Variants in KIF3C observed in about 807,000 individuals in gnomAD.
KIF3C encodes the protein kinesin-like protein KIF3C.
A neutral mutation model predicts 67.7 loss-of-function variants in KIF3C; 12 were observed. The ratio of observed to expected loss-of-function variants is 0.18; its 90% CI spans 0.11 to 0.29. KIF3C has a LOEUF of 0.29. KIF3C is among the 10% of genes least tolerant of loss of function. The pLI, the probability that KIF3C is intolerant of heterozygous loss-of-function variation, is 1.00. For synonymous variants in KIF3C, 393 were observed against 426.2 expected (o/e 0.92, Z 0.96); for missense variants, 789 against 1,059.6 (o/e 0.74, Z 3.55).
At chr2:25,973,008 A>C (rs926024727) in intron 1 of KIF3C, among the ~76,000 whole-genome samples, 5 of 152,190 alleles carry the variant, frequency 3.3e-5, no homozygotes, top group African/African-American at 1.2e-4. Flanking sequence ...GTTTGAATTC[A>C]TACTACATTA....
At position 25,928,901 on chromosome 2, in the gene KIF3C, A is replaced by G. The variant is rs2090433661; in HGVS notation, c.*77T>C. On this transcript the variant is annotated 3_prime_UTR_variant, in exon 8 of 8. Coordinates refer to ENST00000264712, the MANE Select transcript of KIF3C (RefSeq NM_002254.8). Reference sequence around the variant, plus strand: ...CATGCACGCACACGCACACGCACCAAGCGGCAGATGAGATGAGCCAGGGTT... The same window carrying G: ...CATGCACGCACACGCACACGCACCAGGCGGCAGATGAGATGAGCCAGGGTT... 2.4e-6 allele frequency: 3 copies of G among 1,238,124 alleles called. No individual in the cohort carries two copies. In the South Asian group the frequency reaches 3.9e-5, roughly 16 times the overall value. The allele number at this position is 1,238,124 out of a possible 1,614,324, so 76.7% of individuals were successfully genotyped here.
chr2:25,956,491 A>G (rs1574489050), intron 1 of KIF3C, 47 bp from the exon 2 acceptor site: 2 of 1,425,940 alleles, frequency 1.4e-6, no homozygotes, highest in Non-Finnish European at 2.0e-6. Context: ...AAGGGTCCAC[A>G]ACATTGCTAG....
chr2:25,951,848 C>T lies in KIF3C; in HGVS notation c.1947G>A (p.Arg649=), dbSNP rs1290436352. The T allele has an allele frequency of 5.0e-6, 8 of 1,613,974 alleles. No homozygotes were observed. The highest frequency in any genetic ancestry group is 6.8e-6 in the Non-Finnish European group (8 of 1,179,984). ...GCTCCTCCTCACAGTCCAGGAAAAG[C>T]CGGTTCATGATCTTGTTCTTCTCCT... The part of the protein sequence containing the change: ...PPEEKNKIMN[R]LFLDCEEEQW... Residue 649 remains arginine (R), a synonymous_variant, in exon 5 of 8, where the codon CGG becomes CGA. Transcript: ENST00000264712.
Position 25,980,683 on chromosome 2 carries a change from T to C in KIF3C, c.1235A>G (p.Lys412Arg), listed in dbSNP as rs1313838719. 6.2e-7 allele frequency: 1 copy of C among 1,614,136 alleles called. No homozygotes were observed. Among genetic ancestry groups the C allele is most frequent in the Non-Finnish European group, 8.5e-7 (1 of 1,180,018 alleles). The change falls in exon 1 of 8, where the codon AAG becomes AGG. Residue 412 changes from lysine to arginine, a missense_variant. Lys to Arg is a conservative substitution (Grantham distance 26, BLOSUM62 2). Transcript: ENST00000264712. This position sits in a 1 kb window ranked among gnomAD's most constrained non-coding sequence, Gnocchi z 7.6. Reference protein sequence around the residue: ...KRPRRKSSRRKKAVSAPPGYP... With the variant: ...KRPRRKSSRRRKAVSAPPGYP... Reference sequence around the variant, plus strand: ...CCCAGGCGGGGCGGACACGGCCTTCTTCCTGCGGCTGCTCTTCCTCCGGGG... The same window carrying C: ...CCCAGGCGGGGCGGACACGGCCTTCCTCCTGCGGCTGCTCTTCCTCCGGGG...
intron 5 of KIF3C, among the ~76,000 whole-genome samples, chr2:25,940,807 C>G (rs1473967466): frequency 6.6e-6 from 1 of 151,570 alleles, no homozygotes; most frequent in Non-Finnish European, 1.5e-5. Context: ...CGCCCACTAC[C>G]ACACGCGGCT....
At position 25,929,035 on chromosome 2, in the gene KIF3C, T is replaced by C. The variant is rs1025994857; in HGVS notation, c.2325A>G (p.Thr775=). ...QSPQRPPPST[T]HASLASASLR... ...GAGAAGCAGAGGCCAGGGAGGCATG[T>C]GTGGTGGAAGGTGGAGGCCGCTGAG... Residue 775 remains threonine (T), a synonymous_variant, in exon 8 of 8, where the codon ACA becomes ACG. Transcript: ENST00000264712. The C allele has an allele frequency of 5.6e-6, 9 of 1,613,566 alleles. No homozygotes were observed. Among genetic ancestry groups the C allele is most frequent in the African/African-American group, 1.3e-5 (1 of 74,860 alleles).
At position 25,951,915 on chromosome 2, in the gene KIF3C, G is replaced by A. The variant is rs771150357; in HGVS notation, c.1890-10C>T. 5 of 1,579,842 alleles carry A rather than the reference G, an allele frequency of 3.2e-6. No homozygotes were observed. Among genetic ancestry groups the A allele is most frequent in the Non-Finnish European group, 8.7e-7 (1 of 1,149,180 alleles). The stretch of plus-strand genomic sequence containing the variant: ...CTCGATGATTAGGTACCTGGGAGCA[G>A]GAATGAAGGAGTGATGGGAAAATGG... On this transcript the variant is annotated splice_polypyrimidine_tract_variant and intron_variant, in intron 4 of 7. Transcript: ENST00000264712.
chr2:25,948,997 C>A (rs142912786), intron 5 of KIF3C, among the ~76,000 whole-genome samples: 1 of 150,176 alleles, frequency 6.7e-6, no homozygotes, highest in African/African-American at 2.4e-5. Context: ...TGCATGACTG[C>A]AGGTGGGGAG....
Position 25,981,239 on chromosome 2 carries a change from T to G in KIF3C, c.679A>C (p.Ser227Arg), listed in dbSNP as rs1469182603. The change falls in exon 1 of 8, where the codon AGC (serine) becomes CGC (arginine). Residue 227 changes from serine to arginine, a missense_variant. Coordinates refer to ENST00000264712, the MANE Select transcript of KIF3C (RefSeq NM_002254.8). The surrounding 1 kb of genome is among the most constrained non-coding windows in gnomAD (Gnocchi z 8.2). ...HAIFIITVEC[S>R]ERGSDGQDHI... ...TCCTGGCCATCAGAGCCACGTTCGC[T>G]GCACTCCACAGTGATGATGAAGATG... The G allele has an allele frequency of 6.2e-7, 1 of 1,614,072 alleles. No individual in the cohort carries two copies. Among genetic ancestry groups the G allele is most frequent in the Non-Finnish European group, 8.5e-7 (1 of 1,180,034 alleles).
Position 25,927,117 on chromosome 2 carries a change from T to C in KIF3C, c.*1861A>G, listed in dbSNP as rs139658490. ...CATACCTCGGGCCCAGCCCTCGGACTGGGGGGGCTGATTTGGGTATATTGT... is the reference window on the plus strand; with the variant it reads ...CATACCTCGGGCCCAGCCCTCGGACCGGGGGGGCTGATTTGGGTATATTGT... On this transcript the variant is annotated 3_prime_UTR_variant, in exon 8 of 8. Transcript: ENST00000264712. 1,471 of 152,732 alleles carry C rather than the reference T, an allele frequency of 9.6e-3. 13 individuals are homozygous for C. Among genetic ancestry groups the C allele is most frequent in the Non-Finnish European group, 0.016 (1,082 of 68,070 alleles). The allele number at this position is 152,732 out of a possible 1,614,324, so 9.5% of individuals were successfully genotyped here.
intron 1 of KIF3C, among the ~76,000 whole-genome samples, chr2:25,971,027 C>T (rs1664269934): frequency 6.7e-6 from 1 of 149,768 alleles, no homozygotes; most frequent in Non-Finnish European, 1.5e-5. Flanking sequence ...AATCCCAGCA[C>T]TTTGGGAGGC....
intron 1 of KIF3C, among the ~76,000 whole-genome samples, chr2:25,965,291 C>T (rs1390286934): frequency 6.6e-6 from 1 of 152,162 alleles, no homozygotes; most frequent in Admixed American, 6.5e-5. Context: ...GGTGCAGGGT[C>T]TCTGCTCCCT....
chr2:25,946,126 A>C (rs1417514618), intron 5 of KIF3C, among the ~76,000 whole-genome samples: 1 of 152,136 alleles, frequency 6.6e-6, no homozygotes, highest in East Asian at 1.9e-4. Context: ...AAATAAATAA[A>C]ATAAAATAAA....
chr2:25,962,855 AATATATAAT>A (rs1173890769), intron 1 of KIF3C, among the ~76,000 whole-genome samples: 9 of 75,400 alleles, frequency 1.2e-4, no homozygotes, highest in South Asian at 9.0e-4. Flanking sequence ...TATATAATAT[AATATATAAT>A]ATATATAATA....
chr2:25,930,469 C>T (rs1012524656), intron 5 of KIF3C, among the ~76,000 whole-genome samples: 16 of 152,204 alleles, frequency 1.1e-4, no homozygotes, highest in African/African-American at 3.9e-4. Context: ...AGCAATTCTC[C>T]TGCGTCAGCC....
At chr2:25,948,955 G>A (rs1663520794) in intron 5 of KIF3C, among the ~76,000 whole-genome samples, 1 of 151,840 alleles carries the variant, frequency 6.6e-6, no homozygotes, top group South Asian at 2.1e-4. Flanking sequence ...CCACATTAAA[G>A]GAGACCAAAG....
In KIF3C at chr2:25,981,143, T is replaced by C. The variant is rs778545778; in HGVS notation, c.775A>G (p.Asn259Asp). 1 of 1,613,978 alleles carries C rather than the reference T, an allele frequency of 6.2e-7. No individual in the cohort carries two copies. Among genetic ancestry groups the C allele is most frequent in the African/African-American group, 1.3e-5 (1 of 74,926 alleles). ...GGTGTGGCTGCCCCTCCCGCTGTGT[T>C]GGGGCCTGCCTTGTTCTGCCTCTCG... ...GSERQNKAGPNTAGGAATPSS... is the reference protein window; with the variant it reads ...GSERQNKAGPDTAGGAATPSS... The change falls in exon 1 of 8, where the codon AAC (asparagine) becomes GAC (aspartate). Residue 259 changes from asparagine to aspartate, a missense_variant. Asn to Asp is a conservative substitution (Grantham distance 23). Coordinates refer to ENST00000264712, the MANE Select transcript of KIF3C (RefSeq NM_002254.8). The surrounding 1 kb of genome is among the most constrained non-coding windows in gnomAD (Gnocchi z 8.2).
intron 4 of KIF3C, among the ~76,000 whole-genome samples, chr2:25,952,378 GAAGTT>G (rs1182853945): frequency 1.3e-5 from 2 of 152,018 alleles, no homozygotes. Context: ...GGAAAATCAA[GAAGTT>G]AAGGGGAAAG....
Position 25,980,920 on chromosome 2 carries a change from T to C in KIF3C, c.998A>G (p.Asn333Ser), listed in dbSNP as rs1190802082. ...TGTGGCTACCATGATGGTCTTGGCA[T>C]TCCCCCCCAGGGAGTCCTGGAGCAG... ...TRLLQDSLGG[N>S]AKTIMVATLG... The change falls in exon 1 of 8, where the codon AAT (asparagine) becomes AGT (serine). Residue 333 changes from asparagine (N) to serine (S), a missense_variant. This residue lies in a region of KIF3C where 648 missense variants were observed against 807.8 expected (regional missense o/e 0.80). Coordinates refer to ENST00000264712, the MANE Select transcript of KIF3C (RefSeq NM_002254.8). The surrounding 1 kb of genome is among the most constrained non-coding windows in gnomAD (Gnocchi z 7.6). 1.2e-6 allele frequency: 2 copies of C among 1,614,204 alleles called. No individual in the cohort carries two copies. Among genetic ancestry groups the C allele is most frequent in the East Asian group, 2.2e-5 (1 of 44,882 alleles).
Sources: gnomAD v4.1 joint callset for allele counts (sites outside exome capture counted in the v4.1 genomes callset) on GRCh38, gnomAD v4.1.1 for gene constraint, gnomAD v4.1.1 regional missense constraint, Gnocchi (gnomAD v3.1) non-coding constraint, MANE v1.5 for transcripts, NCBI Gene and HGNC (gene_info 2026-07-23, HGNC 2026-07-21) for gene names.